FBXL17: variants seen among roughly 807,000 people sequenced by gnomAD.
FBXL17 encodes the protein F-box/LRR-repeat protein 17.
FBXL17 carries 22 observed loss-of-function variants against 66.2 expected under a neutral mutation model. The observed-to-expected ratio is 0.33, with a 90% CI of 0.24 to 0.47. FBXL17 has a LOEUF of 0.47. Ranked by LOEUF, FBXL17 falls within the 20% of genes least tolerant of loss-of-function variation. The pLI, the probability that FBXL17 is intolerant of heterozygous loss-of-function variation, is 1.00. For missense variants in FBXL17, 878 were observed against 948.2 expected (o/e 0.93, Z 0.97); for synonymous variants, 474 against 400.5 (o/e 1.18, Z -2.19).
intron 6 of FBXL17, among the ~76,000 whole-genome samples, chr5:108,134,467 T>C (rs1414103957): frequency 6.6e-6 from 1 of 152,152 alleles, no homozygotes; most frequent in Non-Finnish European, 1.5e-5. Context: ...CAGATAGATA[T>C]AATTTCAGAA....
intron 7 of FBXL17, among the ~76,000 whole-genome samples, chr5:108,001,745 C>A (rs1753739049): frequency 6.6e-6 from 1 of 152,016 alleles, no homozygotes; most frequent in South Asian, 2.1e-4. Flanking sequence ...CGTGATCCGC[C>A]CATCTGGGCC....
intron 7 of FBXL17, among the ~76,000 whole-genome samples, chr5:107,908,513 C>T (rs986250761): frequency 1.6e-4 from 24 of 152,120 alleles, no homozygotes; most frequent in African/African-American, 5.8e-4. Flanking sequence ...TCTGAGAAAA[C>T]GACATACATA....
chr5:108,055,114 C>T (rs969347392), intron 6 of FBXL17, among the ~76,000 whole-genome samples: 5 of 151,162 alleles, frequency 3.3e-5, no homozygotes, highest in African/African-American at 9.7e-5. Flanking sequence ...AATAACAGAA[C>T]GATATGAATT....
At chr5:108,070,812 AGTAG>A (rs1196693609) in intron 6 of FBXL17, among the ~76,000 whole-genome samples, 1 of 152,184 alleles carries the variant, frequency 6.6e-6, no homozygotes, top group African/African-American at 2.4e-5. Context: ...GGCCCTCTAA[AGTAG>A]AGAGGCCTAA....
At chr5:108,311,233 G>A (rs138003026) in intron 4 of FBXL17, among the ~76,000 whole-genome samples, 296 of 151,778 alleles carry the variant, frequency 2.0e-3, no homozygotes, top group Admixed American at 4.6e-3. Flanking sequence ...CTGCAATGGC[G>A]CGATCTCAGC....
intron 7 of FBXL17, among the ~76,000 whole-genome samples, chr5:107,930,334 T>TG (rs1276993452): frequency 2.0e-5 from 3 of 152,160 alleles, no homozygotes; most frequent in Non-Finnish European, 1.5e-5. Flanking sequence ...TGGCCACTGT[T>TG]CTCTCAGTTT....
chr5:107,976,998 G>A (rs1228337500), intron 7 of FBXL17, among the ~76,000 whole-genome samples: 3 of 152,146 alleles, frequency 2.0e-5, no homozygotes, highest in African/African-American at 7.2e-5. Flanking sequence ...GGAGAATAGG[G>A]TTGGGAATAT....
intron 7 of FBXL17, among the ~76,000 whole-genome samples, chr5:107,970,244 T>C (rs1561345048): frequency 6.6e-6 from 1 of 152,184 alleles, no homozygotes; most frequent in Non-Finnish European, 1.5e-5. Flanking sequence ...TTCTCTTTGT[T>C]ACCAAACGCA....
In FBXL17 at chr5:108,293,104, A is replaced by C. The variant is rs540043244; in HGVS notation, c.1506+55295T>G. Among the ~76,000 whole-genome samples, 73 of 151,676 alleles carry C rather than the reference A, an allele frequency of 4.8e-4. No homozygotes were observed. In the East Asian group the frequency reaches 5.8e-3, roughly 12 times the overall value. On this transcript the variant is annotated intron_variant, in intron 4 of 8. Coordinates refer to ENST00000542267, the MANE Select transcript of FBXL17 (RefSeq NM_001163315.3). ...CTCTGTCTCAAAAAAAAAACAAAAAAAAAAAAACAAAAAAAAACTTGTTGA... is the reference window on the plus strand; with the variant it reads ...CTCTGTCTCAAAAAAAAAACAAAAACAAAAAAACAAAAAAAAACTTGTTGA...
At chr5:107,880,800 T>C (rs1449262747) in intron 8 of FBXL17, 43 of 1,350,774 alleles carry the variant, frequency 3.2e-5, no homozygotes, top group Non-Finnish European at 3.9e-5. Context: ...ATATGATTAC[T>C]TTTTCTTTCT....
intron 6 of FBXL17, among the ~76,000 whole-genome samples, chr5:108,088,700 CAAAAAAAAAAAAAAAAAAAAAA>C (rs57707936): frequency 1.6e-4 from 8 of 49,348 alleles, no homozygotes; most frequent in South Asian, 1.2e-3. Context: ...GACTCTATCT[CAAAAAAAAAAAAAAAAAAAAAA>C]AAAAAAAAAA....
intron 6 of FBXL17, among the ~76,000 whole-genome samples, chr5:108,025,727 GCACACA>G (rs34719664): frequency 0.022 from 3,051 of 141,210 alleles, 111 homozygotes; most frequent in African/African-American, 0.07. Context: ...ACGCGCGCGC[GCACACA>G]CACACACACA....
At chr5:108,186,421 G>A (rs1354311210) in intron 5 of FBXL17, among the ~76,000 whole-genome samples, 174 bp from the exon 6 acceptor site, 1 of 152,120 alleles carries the variant, frequency 6.6e-6, no homozygotes, top group African/African-American at 2.4e-5. Context: ...ACTAAATTAA[G>A]CATGAGTGTA....
intron 4 of FBXL17, among the ~76,000 whole-genome samples, chr5:108,326,763 G>GT (rs1223216261): frequency 6.6e-6 from 1 of 151,916 alleles, no homozygotes; most frequent in African/African-American, 2.4e-5. Flanking sequence ...CCACAATAAG[G>GT]TACCACTACA....
At chr5:108,242,020 G>A (rs1755874200) in intron 4 of FBXL17, among the ~76,000 whole-genome samples, 1 of 152,112 alleles carries the variant, frequency 6.6e-6, no homozygotes, top group Non-Finnish European at 1.5e-5. Context: ...AAATGCTAAA[G>A]GGAGTTTATA....
chr5:108,009,194 CATATATAT>C (rs373679985), intron 7 of FBXL17, among the ~76,000 whole-genome samples: 617 of 54,082 alleles, frequency 0.011, 22 homozygotes, highest in East Asian at 0.1. Flanking sequence ...ATTTGAAAAG[CATATATAT>C]ATATATATAT....
chr5:107,986,132 C>T (rs190876938), intron 7 of FBXL17, among the ~76,000 whole-genome samples: 2 of 152,032 alleles, frequency 1.3e-5, no homozygotes, highest in Non-Finnish European at 2.9e-5. Context: ...ACACAGCCAA[C>T]CATAATAAAT....
chr5:108,348,621 C>G, intron 3 of FBXL17, 91 bp from the exon 4 acceptor site: 1 of 1,338,862 alleles, frequency 7.5e-7, no homozygotes, highest in South Asian at 1.3e-5. Context: ...TGAAAATAAC[C>G]ACGTCAGAGT....
intron 7 of FBXL17, among the ~76,000 whole-genome samples, chr5:107,892,362 C>T (rs1484713162): frequency 1.3e-5 from 2 of 152,068 alleles, no homozygotes; most frequent in Non-Finnish European, 2.9e-5. Context: ...TGGGTAGCTA[C>T]AAGTATGTCA....
Sources: allele counts gnomAD v4.1 joint callset (sites outside exome capture counted in the v4.1 genomes callset), GRCh38; gene constraint gnomAD v4.1.1; transcripts MANE v1.5; gene names NCBI Gene and HGNC (gene_info 2026-07-23, HGNC 2026-07-21).